The following C10orf90 variants were observed in gnomAD, a reference collection of about 807,000 sequenced individuals.
C10orf90 encodes the protein chromosome 10 open reading frame 90.
In C10orf90, 56 loss-of-function variants were observed where a neutral mutation model predicts 62.5. The observed-to-expected ratio is 0.90, with a 90% CI of 0.72 to 1.12. The LOEUF (loss-of-function observed/expected upper bound fraction) is 1.12. C10orf90 is among the 50% of genes most tolerant of loss of function. The pLI is 0.00. For synonymous variants in C10orf90, 386 were observed against 340.4 expected, an observed-to-expected ratio of 1.13 and a Z score of -1.47; for missense variants, 970 against 880.4, an observed-to-expected ratio of 1.10 and a Z score of -1.29.
intron 2 of C10orf90, among the ~76,000 whole-genome samples, chr10:126,573,853 A>G (rs1194332087): frequency 6.6e-6 from 1 of 152,138 alleles, no homozygotes; most frequent in Admixed American, 6.5e-5. Context: ...AACCCTGCAT[A>G]AACAGTGGCT....
chr10:126,438,750 GTT>G (rs899032278), intron 7 of C10orf90, among the ~76,000 whole-genome samples: 51 of 65,376 alleles, frequency 7.8e-4, no homozygotes, highest in African/African-American at 3.7e-3. Context: ...GTGTATGTAT[GTT>G]GTGTGTGTGT....
intron 2 of C10orf90, among the ~76,000 whole-genome samples, chr10:126,632,330 T>C (rs927276199): frequency 5.9e-5 from 9 of 152,008 alleles, no homozygotes; most frequent in Admixed American, 3.3e-4. Context: ...ACTGCCTCTC[T>C]GAGTACTTAA....
chr10:126,658,174 C>A (rs1466941787), intron 1 of C10orf90, among the ~76,000 whole-genome samples: 1 of 152,168 alleles, frequency 6.6e-6, no homozygotes, highest in African/African-American at 2.4e-5. Context: ...CCCATTGGAA[C>A]CAGACTGACT....
intron 4 of C10orf90, among the ~76,000 whole-genome samples, chr10:126,467,723 T>G (rs571404685): frequency 1.3e-5 from 2 of 152,220 alleles, no homozygotes; most frequent in African/African-American, 2.4e-5. Context: ...TCTCACAAAC[T>G]TGATTATCCC....
chr10:126,529,453 T>C (rs569415438), intron 2 of C10orf90, among the ~76,000 whole-genome samples: 119 of 152,262 alleles, frequency 7.8e-4, no homozygotes, highest in African/African-American at 2.7e-3. Context: ...AAAAAGATGT[T>C]TGTAACCCAT....
At chr10:126,537,767 T>C (rs1022981668) in intron 2 of C10orf90, among the ~76,000 whole-genome samples, 6 of 152,232 alleles carry the variant, frequency 3.9e-5, no homozygotes, top group Non-Finnish European at 7.3e-5. Flanking sequence ...TTTTAACTGA[T>C]AATATTTATT....
chr10:126,427,123 C>T (rs1213443195), intron 8 of C10orf90, among the ~76,000 whole-genome samples: 2 of 152,202 alleles, frequency 1.3e-5, no homozygotes, highest in Admixed American at 6.5e-5. Context: ...CATCAAGCTA[C>T]TTGTGAGATC....
At chr10:126,624,814 G>T (rs578070073) in intron 2 of C10orf90, among the ~76,000 whole-genome samples, 1 of 152,152 alleles carries the variant, frequency 6.6e-6, no homozygotes, top group East Asian at 1.9e-4. Flanking sequence ...CCCCACAGTG[G>T]GGGGCAGGCA....
At chr10:126,631,793 A>T (rs914558398) in intron 2 of C10orf90, among the ~76,000 whole-genome samples, 1 of 151,946 alleles carries the variant, frequency 6.6e-6, no homozygotes, top group South Asian at 2.1e-4. Flanking sequence ...AAGACCCAGC[A>T]AGCAGAGGCA....
chr10:126,487,971 G>A (rs1158013023), intron 4 of C10orf90, among the ~76,000 whole-genome samples: 1 of 152,052 alleles, frequency 6.6e-6, no homozygotes, highest in Non-Finnish European at 1.5e-5. Flanking sequence ...TTTTGGCCTT[G>A]ATGAGTTCAC....
chr10:126,558,771 T>G (rs570993975), intron 2 of C10orf90, among the ~76,000 whole-genome samples: 4 of 152,332 alleles, frequency 2.6e-5, no homozygotes, highest in East Asian at 1.9e-4. Context: ...CCACTAGTAA[T>G]GTGTCTCTCT....
chr10:126,536,270 G>A (rs1375304688), intron 2 of C10orf90, among the ~76,000 whole-genome samples: 1 of 152,132 alleles, frequency 6.6e-6, no homozygotes, highest in Non-Finnish European at 1.5e-5. Flanking sequence ...GTAGCAGGTC[G>A]CGGAGGAGGG....
intron 4 of C10orf90, among the ~76,000 whole-genome samples, chr10:126,483,357 T>C (rs1183050921): frequency 2.0e-5 from 3 of 152,218 alleles, no homozygotes; most frequent in East Asian, 3.8e-4. Flanking sequence ...ACTCCAAGTT[T>C]TGTGCTTTAA....
rs1859989549 is a variant in C10orf90, at chr10:126,461,687, G to A, written c.1826-102C>T. The A allele has an allele frequency of 4.7e-5, 55 of 1,170,454 alleles. 1 individual carries two copies. Among genetic ancestry groups the A allele is most frequent in the South Asian group, 4.4e-4 (31 of 69,742 alleles). 72.5% of individuals were successfully genotyped at this position (1,170,454 alleles called of 1,614,324 possible). ...AGAAGACAATTTTGAAAATAGAAAC[G>A]CCAGTGGACTATTAATGGGCCTCGT... On this transcript the variant is annotated intron_variant, in intron 5 of 9. Coordinates refer to ENST00000488181, the MANE Select transcript of C10orf90 (RefSeq NM_001350921.2).
chr10:126,557,722 A>T (rs983315136), intron 2 of C10orf90, among the ~76,000 whole-genome samples: 1 of 152,108 alleles, frequency 6.6e-6, no homozygotes, highest in Non-Finnish European at 1.5e-5. Context: ...AATGAGATTC[A>T]CCCAGGTTAA....
At position 126,447,092 on chromosome 10, in the gene C10orf90, C is replaced by T. The variant is rs72830764; in HGVS notation, c.2188+11948G>A. ...CAAACCATCAAATCATAAAGGAAGA[C>T]ATCGACAAAGGAAGAAATGAACAAA... is the stretch of plus-strand genomic sequence containing the variant. On this transcript the variant is annotated intron_variant, in intron 7 of 9. Transcript: ENST00000488181. Among the ~76,000 whole-genome samples, 667 of 152,040 alleles carry T rather than the reference C, an allele frequency of 4.4e-3. 5 individuals are homozygous for T. The highest frequency in any genetic ancestry group is 0.014 in the Middle Eastern group (4 of 294).
At chr10:126,517,436 C>T (rs1256741378) in intron 2 of C10orf90, among the ~76,000 whole-genome samples, 1 of 152,196 alleles carries the variant, frequency 6.6e-6, no homozygotes, top group African/African-American at 2.4e-5. Flanking sequence ...AACTTAACTT[C>T]ACTGATTCCC....
intron 3 of C10orf90, among the ~76,000 whole-genome samples, chr10:126,513,194 T>C (rs1448565485): frequency 6.6e-6 from 1 of 152,200 alleles, no homozygotes; most frequent in East Asian, 1.9e-4. Context: ...GACAGTCCTT[T>C]AGAGCAAGCT....
At chr10:126,664,043 A>T (rs777226182) in intron 1 of C10orf90, among the ~76,000 whole-genome samples, 10 of 152,162 alleles carry the variant, frequency 6.6e-5, no homozygotes, top group South Asian at 2.1e-4. Flanking sequence ...CACTCTCAAG[A>T]GTCTCTTGTC....
Sources: gnomAD v4.1 joint callset for allele counts (sites outside exome capture counted in the v4.1 genomes callset) on GRCh38, gnomAD v4.1.1 for gene constraint, MANE v1.5 for transcripts, NCBI Gene and HGNC (gene_info 2026-07-23, HGNC 2026-07-21) for gene names.